LPAR1: variants seen among roughly 807,000 people sequenced by gnomAD.
LPAR1 encodes LPA receptor 1.
In LPAR1, 5 loss-of-function variants were observed where a neutral mutation model predicts 23.8. That is an observed-to-expected ratio of 0.21 (90% CI 0.11 to 0.44). The LOEUF (loss-of-function observed/expected upper bound fraction) is 0.44, where lower values mean the gene tolerates loss of function less well. Ranked by LOEUF, LPAR1 falls within the 20% of genes least tolerant of loss-of-function variation. The probability of loss-of-function intolerance (pLI) is 0.99; values close to 1 mark genes in which losing one functional copy is unlikely to be tolerated. For synonymous variants in LPAR1, 160 were observed against 164.7 expected (o/e 0.97, Z 0.22); for missense variants, 311 against 482.8 (o/e 0.64, Z 3.33).
rs186162428 is a variant in LPAR1 at position 111,026,595 on chromosome 9, G to T, written c.-182+9527C>A. Among the ~76,000 whole-genome samples, 825 of 152,282 alleles carry T rather than the reference G, an allele frequency of 5.4e-3. 5 individuals carry two copies. The highest frequency in any genetic ancestry group is 9.3e-3 in the Non-Finnish European group (636 of 68,028). ...AGGAGTGGTGAAAGAGGGCATCCTT[G>T]TTTTGTGCCAGTTTTCAAAGGGAAT... On this transcript the variant is annotated intron_variant, in intron 2 of 5. Coordinates refer to ENST00000683809, the MANE Select transcript of LPAR1 (RefSeq NM_001351411.2).
chr9:110,882,555 T>C (rs1408873631), intron 5 of LPAR1, among the ~76,000 whole-genome samples: 1 of 152,246 alleles, frequency 6.6e-6, no homozygotes, highest in Non-Finnish European at 1.5e-5. Context: ...CTACACACTT[T>C]TGAAGGTTCA....
At chr9:110,961,253 T>C (rs2095969008) in intron 4 of LPAR1, among the ~76,000 whole-genome samples, 1 of 149,798 alleles carries the variant, frequency 6.7e-6, no homozygotes, top group African/African-American at 2.4e-5. Flanking sequence ...CTAAGACTCC[T>C]ATGAGTAAAT....
intron 2 of LPAR1, among the ~76,000 whole-genome samples, chr9:110,975,584 A>G (rs1001548332): frequency 6.6e-6 from 1 of 152,254 alleles, no homozygotes; most frequent in Non-Finnish European, 1.5e-5. Flanking sequence ...ATCAAAGATT[A>G]AAAAGAGATG....
At chr9:110,974,550 C>T (rs889334354) in intron 2 of LPAR1, among the ~76,000 whole-genome samples, 5 of 152,212 alleles carry the variant, frequency 3.3e-5, no homozygotes, top group Non-Finnish European at 7.3e-5. Context: ...CAGTTTCAAT[C>T]ACTTTAGGTT....
At chr9:110,980,691 A>T (rs1048083728) in intron 2 of LPAR1, among the ~76,000 whole-genome samples, 9 of 151,858 alleles carry the variant, frequency 5.9e-5, no homozygotes, top group Non-Finnish European at 5.9e-5. Flanking sequence ...AGATAGCAAA[A>T]ATAAGTTCTA....
intron 2 of LPAR1, among the ~76,000 whole-genome samples, chr9:110,996,889 T>A (rs575299700): frequency 6.6e-6 from 1 of 152,218 alleles, no homozygotes; most frequent in South Asian, 2.1e-4. Flanking sequence ...TGGGGTCTGA[T>A]GGTCTCGTTA....
intron 4 of LPAR1, among the ~76,000 whole-genome samples, chr9:110,959,109 T>C (rs2095859122): frequency 7.8e-6 from 1 of 128,992 alleles, no homozygotes; most frequent in South Asian, 2.5e-4. Context: ...TTATACAGTG[T>C]TGGTGGGAAT....
At chr9:110,970,573 A>G (rs67737477) in intron 4 of LPAR1, among the ~76,000 whole-genome samples, 27,649 of 152,070 alleles carry the variant, frequency 0.18, 2,790 homozygotes, top group African/African-American at 0.26. Flanking sequence ...TTCATATGAT[A>G]AAATCCCAAG....
chr9:110,887,995 T>C (rs763421185), intron 5 of LPAR1, among the ~76,000 whole-genome samples: 17 of 152,210 alleles, frequency 1.1e-4, no homozygotes, highest in East Asian at 1.9e-4. Context: ...ACTGCACCCA[T>C]AAAGTAGAAT....
intron 2 of LPAR1, among the ~76,000 whole-genome samples, chr9:110,994,821 G>A (rs1003717994): frequency 4.6e-5 from 7 of 152,238 alleles, no homozygotes; most frequent in East Asian, 1.9e-4. Context: ...ACACATATGT[G>A]CCTGATTTTA....
chr9:110,967,364 G>T (rs1260150583), intron 4 of LPAR1, among the ~76,000 whole-genome samples: 3 of 152,146 alleles, frequency 2.0e-5, no homozygotes, highest in Admixed American at 1.3e-4. Flanking sequence ...GCGTGACAAT[G>T]CAAGCTTTCT....
chr9:110,947,079 G>A (rs566852791), intron 4 of LPAR1, among the ~76,000 whole-genome samples: 1 of 152,214 alleles, frequency 6.6e-6, no homozygotes, highest in Non-Finnish European at 1.5e-5. Context: ...AAAATAGGAG[G>A]AAAGCATAAG....
intron 5 of LPAR1, among the ~76,000 whole-genome samples, chr9:110,912,536 C>T (rs1303535770): frequency 4.6e-5 from 7 of 152,166 alleles, no homozygotes; most frequent in Non-Finnish European, 2.9e-5. Flanking sequence ...ATGAGCTTCT[C>T]CTTTCACAAT....
intron 4 of LPAR1, among the ~76,000 whole-genome samples, chr9:110,960,656 G>T (rs923349109): frequency 6.6e-6 from 1 of 152,068 alleles, no homozygotes; most frequent in African/African-American, 2.4e-5. Context: ...AAAAAGGAAA[G>T]AAAGAAATTG....
intron 4 of LPAR1, among the ~76,000 whole-genome samples, chr9:110,960,082 C>G (rs1008409048): frequency 2.6e-5 from 4 of 152,020 alleles, no homozygotes; most frequent in Non-Finnish European, 5.9e-5. Context: ...TTCTAACATT[C>G]GATAGCAGAG....
At chr9:110,893,791 G>A (rs1017758910) in intron 5 of LPAR1, among the ~76,000 whole-genome samples, 1 of 152,266 alleles carries the variant, frequency 6.6e-6, no homozygotes, top group South Asian at 2.1e-4. Flanking sequence ...AGTGGTATGC[G>A]ACTGTCTGTT....
At chr9:110,935,622 C>T (rs758925317) in intron 5 of LPAR1, among the ~76,000 whole-genome samples, 3 of 152,064 alleles carry the variant, frequency 2.0e-5, no homozygotes, top group African/African-American at 4.8e-5. Flanking sequence ...AACCCTGGCT[C>T]TAAAACAAAA....
chr9:110,909,726 A>ATTTATTTATTT (rs1564437469), intron 5 of LPAR1, among the ~76,000 whole-genome samples: 5 of 118,896 alleles, frequency 4.2e-5, no homozygotes, highest in African/African-American at 1.8e-4. Context: ...TTTATTAAAT[A>ATTTATTTATTT]AAGTATTTAT....
chr9:110,903,750 G>C (rs2090158554), intron 5 of LPAR1, among the ~76,000 whole-genome samples: 1 of 151,864 alleles, frequency 6.6e-6, no homozygotes, highest in Admixed American at 6.6e-5. Context: ...TAAAATAATG[G>C]CTTAAAATTT....
Sources: allele counts gnomAD v4.1 joint callset (sites outside exome capture counted in the v4.1 genomes callset), GRCh38; gene constraint gnomAD v4.1.1; transcripts MANE v1.5; gene names NCBI Gene and HGNC (gene_info 2026-07-23, HGNC 2026-07-21).